Variants in SRA1 observed in about 807,000 individuals in gnomAD.
SRA1 encodes the protein lncRNA SRA.
Under a neutral mutation model 24.3 loss-of-function variants are expected in SRA1, and 25 were observed. The ratio of observed to expected loss-of-function variants is 1.03; its 90% confidence interval spans 0.75 to 1.43. The LOEUF (loss-of-function observed/expected upper bound fraction) is 1.43, where lower values mean the gene tolerates loss of function less well. SRA1 is among the 40% of genes most tolerant of loss of function. The pLI is 0.00. For missense variants in SRA1, 303 were observed against 286.6 expected, an observed-to-expected ratio of 1.06 and a Z score of -0.41; for synonymous variants, 104 against 109.5, an observed-to-expected ratio of 0.95 and a Z score of 0.31.
intron 2 of SRA1, 135 bp from the exon 3 acceptor site, chr5:140,552,319 C>T: frequency 2.9e-6 from 2 of 695,840 alleles, no homozygotes; most frequent in East Asian, 2.8e-5. Context: ...GAAGTCCCCA[C>T]TCTACGCCAG....
intron 3 of SRA1, 106 bp from the exon 4 acceptor site, chr5:140,551,275 T>G: frequency 1.3e-6 from 1 of 792,218 alleles, no homozygotes. Context: ...TGGCCCACAC[T>G]TTAGAATTCT....
Position 140,552,161 on chromosome 5 carries a change from CAGG to C in SRA1, c.172_174del (p.Pro58del). 1.2e-6 allele frequency: 2 copies of C among 1,603,060 alleles called. No individual in the cohort carries two copies. The highest frequency in any genetic ancestry group is 1.1e-5 in the South Asian group (1 of 89,596). ...GGTGGAGGCCCCATTGGGGGAGGCCCAGGAGAAGTCTCTGATGCGGGGACTGAA... is the reference window on the plus strand; with the variant it reads ...GGTGGAGGCCCCATTGGGGGAGGCCCAGAAGTCTCTGATGCGGGGACTGAA... On this transcript the variant is annotated inframe_deletion, in exon 3 of 5. Coordinates refer to ENST00000336283, the MANE Select transcript of SRA1 (RefSeq NM_001035235.4).
chr5:140,557,370 C>T (rs368063259), intron 1 of SRA1, 58 bp downstream of exon 1: 3 of 1,602,928 alleles, frequency 1.9e-6, no homozygotes, highest in East Asian at 4.5e-5. Flanking sequence ...GCGCCGCAAC[C>T]GCCCCCAGCC....
chr5:140,551,076 C>G lies in SRA1; in HGVS notation c.448G>C (p.Ala150Pro). ...KLSIPVKKRM[A>P]LLVQELSSHR... ...CCACCCATACCTTGCACCAGTAGAG[C>G]CATTCTCTTCTTTACAGGTATTGAC... is the stretch of plus-strand genomic sequence containing the variant. The change falls in exon 4 of 5, where the codon GCT (alanine) becomes CCT (proline). Residue 150 changes from alanine to proline, a missense_variant. Physicochemically the swap from Ala to Pro is conservative, Grantham distance 27. Transcript: ENST00000336283. 1.2e-6 allele frequency: 2 copies of G among 1,613,846 alleles called. No individual in the cohort carries two copies. Among genetic ancestry groups the G allele is most frequent in the Non-Finnish European group, 1.7e-6 (2 of 1,179,688 alleles).
rs765272353 is a variant in SRA1 at position 140,557,099 on chromosome 5, C to G, written c.151+48G>C. On this transcript the variant is annotated intron_variant, in intron 2 of 4. Coordinates refer to ENST00000336283, the MANE Select transcript of SRA1 (RefSeq NM_001035235.4). ...CCAAACAGGCTTATGCCTTACACCC[C>G]CCCCCCCCCATTCTCCGTCTGTCTC... 42 of 843,176 alleles carry G rather than the reference C, an allele frequency of 5.0e-5. 4 individuals carry two copies. Among genetic ancestry groups the G allele is most frequent in the Middle Eastern group, 5.4e-4 (2 of 3,714 alleles). 52.2% of individuals were successfully genotyped at this position (843,176 alleles called of 1,614,324 possible).
At chr5:140,555,351 A>T (rs954666066) in intron 2 of SRA1, among the ~76,000 whole-genome samples, 6 of 151,864 alleles carry the variant, frequency 4.0e-5, no homozygotes, top group Non-Finnish European at 7.4e-5. Flanking sequence ...GGTTCAAGCG[A>T]TTCTCCTGTC....
chr5:140,551,260 T>TCC, intron 3 of SRA1, 91 bp from the exon 4 acceptor site: 2 of 941,038 alleles, frequency 2.1e-6, no homozygotes, highest in East Asian at 2.5e-5. Context: ...AGCACCTGCT[T>TCC]TCTCTGGCCC....
At position 140,550,394 on chromosome 5, in the gene SRA1, T is replaced by C; in HGVS notation, c.*306A>G. On this transcript the variant is annotated 3_prime_UTR_variant, in exon 5 of 5. Transcript: ENST00000336283. ...CTTTACCCAGCAGATCCCTTCCTGATGAATGGAGAAGGGAGAACAGAGGTT... is the reference window on the plus strand; with the variant it reads ...CTTTACCCAGCAGATCCCTTCCTGACGAATGGAGAAGGGAGAACAGAGGTT... The C allele has an allele frequency of 2.4e-6, 1 of 416,082 alleles. No individual in the cohort carries two copies. Among genetic ancestry groups the C allele is most frequent in the Non-Finnish European group, 4.4e-6 (1 of 226,014 alleles). 25.8% of individuals were successfully genotyped at this position (416,082 alleles called of 1,614,324 possible).
upstream of SRA1, chr5:140,557,547 C>G (rs925390199): frequency 5.6e-6 from 8 of 1,440,682 alleles, no homozygotes; most frequent in African/African-American, 1.4e-5. Flanking sequence ...GGCGGGTTGC[C>G]GGAATCCGTG....
At chr5:140,557,641 T>G, upstream of SRA1, 1 of 660,382 alleles carries the variant, frequency 1.5e-6, no homozygotes, top group South Asian at 1.9e-5. Flanking sequence ...CTCCATCTAA[T>G]GAACCATCAG....
Position 140,550,671 on chromosome 5 carries a change from G to A in SRA1, c.*29C>T. 5.0e-6 allele frequency: 8 copies of A among 1,606,268 alleles called. No individual in the cohort carries two copies. Among genetic ancestry groups the A allele is most frequent in the Non-Finnish European group, 6.8e-6 (8 of 1,172,932 alleles). On this transcript the variant is annotated 3_prime_UTR_variant, in exon 5 of 5. Coordinates refer to ENST00000336283, the MANE Select transcript of SRA1 (RefSeq NM_001035235.4). ...AGAAGGTCTCCAAGGCATAGGAGAT[G>A]GTGTCCGGTGAGTCTGGGGAACCGA...
At chr5:140,555,770 C>T (rs1410219280) in intron 2 of SRA1, among the ~76,000 whole-genome samples, 1 of 151,878 alleles carries the variant, frequency 6.6e-6, no homozygotes, top group Non-Finnish European at 1.5e-5. Flanking sequence ...ACCACCATCC[C>T]CAGTCTTCCT....
At chr5:140,557,056 G>A (rs1754725924) in intron 2 of SRA1, 91 bp downstream of exon 2, 9 of 1,248,126 alleles carry the variant, frequency 7.2e-6, no homozygotes, top group Admixed American at 2.3e-5. Context: ...GGAGCCCTCG[G>A]GGAGAGAAAA....
Position 140,557,177 on chromosome 5 carries a change from C to G in SRA1, c.121G>C (p.Val41Leu). 2.5e-6 allele frequency: 4 copies of G among 1,613,152 alleles called. No homozygotes were observed. Among genetic ancestry groups the G allele is most frequent in the Non-Finnish European group, 3.4e-6 (4 of 1,179,882 alleles). Residue 41 changes from valine to leucine, a missense_variant, in exon 2 of 5, where the codon GTC becomes CTC. Physicochemically the swap from Val to Leu is conservative, Grantham distance 32. Transcript: ENST00000336283. ...GPRRSLLTKR[V>L]AAPQDGSPRV... ...GGGGATCCATCCTGGGGTGCGGCGA[C>G]CCTCTTGGTAAGCAGCGAGCGCCTG...
At position 140,550,488 on chromosome 5, in the gene SRA1, T is replaced by C; in HGVS notation, c.*212A>G. On this transcript the variant is annotated 3_prime_UTR_variant, in exon 5 of 5. Coordinates refer to ENST00000336283, the MANE Select transcript of SRA1 (RefSeq NM_001035235.4). ...ACTAGCTTGGCACCGGAAGGGTTCA[T>C]CTCTCCTACCCAAGGCCCACCGCAG... 1 of 598,180 alleles carries C rather than the reference T, an allele frequency of 1.7e-6. No individual in the cohort carries two copies. Among genetic ancestry groups the C allele is most frequent in the South Asian group, 2.0e-5 (1 of 49,664 alleles). The allele number at this position is 598,180 out of a possible 1,614,324, so 37.1% of individuals were successfully genotyped here.
intron 3 of SRA1, chr5:140,551,411 C>G: frequency 8.9e-6 from 4 of 450,440 alleles, no homozygotes; most frequent in Non-Finnish European, 1.6e-5. Context: ...GGAATTCTCT[C>G]ATCTTCCCAC....
intron 2 of SRA1, among the ~76,000 whole-genome samples, 190 bp from the exon 3 acceptor site, chr5:140,552,374 C>T (rs754321772): frequency 3.9e-5 from 6 of 152,146 alleles, no homozygotes; most frequent in Non-Finnish European, 5.9e-5. Flanking sequence ...ACCAGGTGGC[C>T]GGGTGTGATG....
intron 2 of SRA1, among the ~76,000 whole-genome samples, chr5:140,553,830 A>AC: frequency 6.6e-6 from 1 of 152,328 alleles, no homozygotes; most frequent in East Asian, 1.9e-4. Flanking sequence ...TCTGAGATTT[A>AC]CTTAGGAGGA....
Position 140,550,376 on chromosome 5 carries a change from C to A in SRA1, c.*324G>T. On this transcript the variant is annotated 3_prime_UTR_variant, in exon 5 of 5. Coordinates refer to ENST00000336283, the MANE Select transcript of SRA1 (RefSeq NM_001035235.4). ...TGGTAGGCAGTAGTCTGACTTTACCCAGCAGATCCCTTCCTGATGAATGGA... is the reference window on the plus strand; with the variant it reads ...TGGTAGGCAGTAGTCTGACTTTACCAAGCAGATCCCTTCCTGATGAATGGA... 1 of 374,616 alleles carries A rather than the reference C, an allele frequency of 2.7e-6. No homozygotes were observed. Among genetic ancestry groups the A allele is most frequent in the Non-Finnish European group, 5.0e-6 (1 of 201,292 alleles). The allele number at this position is 374,616 out of a possible 1,614,324, so 23.2% of individuals were successfully genotyped here.
Sources: gnomAD v4.1 joint callset for allele counts (sites outside exome capture counted in the v4.1 genomes callset) on GRCh38, gnomAD v4.1.1 for gene constraint, MANE v1.5 for transcripts, NCBI Gene and HGNC (gene_info 2026-07-23, HGNC 2026-07-21) for gene names.